RPTOR: variants seen among roughly 807,000 people sequenced by gnomAD.
RPTOR encodes regulatory-associated protein of mTOR.
Under a neutral mutation model 169.9 loss-of-function variants are expected in RPTOR, and 21 were observed. That is an observed-to-expected ratio of 0.12 (90% confidence interval 0.09 to 0.18). The LOEUF is 0.18. Ranked by LOEUF, RPTOR falls within the 10% of genes least tolerant of loss-of-function variation. The pLI, the probability that RPTOR is intolerant of heterozygous loss-of-function variation, is 1.00. For missense variants in RPTOR, 1,133 were observed against 1,855.9 expected (o/e 0.61, Z 7.16); for synonymous variants, 732 against 753.2 (o/e 0.97, Z 0.46).
chr17:80,780,777 C>T (rs983040052), intron 6 of RPTOR, among the ~76,000 whole-genome samples: 6 of 152,196 alleles, frequency 3.9e-5, no homozygotes, highest in Admixed American at 1.3e-4. Flanking sequence ...CACCCTCCCC[C>T]CGGGGGGCCT....
chr17:80,635,467 A>C (rs950132877), intron 2 of RPTOR, among the ~76,000 whole-genome samples: 7 of 152,196 alleles, frequency 4.6e-5, no homozygotes, highest in Non-Finnish European at 1.0e-4. Flanking sequence ...TACACCAGTA[A>C]CCAAGACTGG....
intron 28 of RPTOR, among the ~76,000 whole-genome samples, chr17:80,951,042 C>G (rs139525065): frequency 6.6e-6 from 1 of 152,140 alleles, no homozygotes; most frequent in Non-Finnish European, 1.5e-5. Flanking sequence ...TGGCTAGCCC[C>G]GGGGTCCATG....
chr17:80,845,776 G>A lies in RPTOR; in HGVS notation c.1213-697G>A, dbSNP rs970372237. Among the ~76,000 whole-genome samples the A allele has an allele frequency of 7.9e-5, 12 of 152,134 alleles. No individual in the cohort carries two copies. The highest frequency in any genetic ancestry group is 2.0e-4 in the Admixed American group (3 of 15,280). On this transcript the variant is annotated intron_variant, in intron 10 of 33. Coordinates refer to ENST00000306801, the MANE Select transcript of RPTOR (RefSeq NM_020761.3). This position sits in a 1 kb window ranked among gnomAD's most constrained non-coding sequence, Gnocchi z 5.4. Reference sequence around the variant, plus strand: ...ACCAAAACCAAATTCACCCTGTCTCGAAACCCCTCTGGCTGCGCTTTTGCC... The same window carrying A: ...ACCAAAACCAAATTCACCCTGTCTCAAAACCCCTCTGGCTGCGCTTTTGCC...
At chr17:80,727,635 C>A (rs1350705267) in intron 4 of RPTOR, among the ~76,000 whole-genome samples, 1 of 152,248 alleles carries the variant, frequency 6.6e-6, no homozygotes. Context: ...CAGAATTTGG[C>A]TGCAGGACAG....
chr17:80,787,028 G>A (rs2066999209), intron 6 of RPTOR, among the ~76,000 whole-genome samples: 1 of 152,136 alleles, frequency 6.6e-6, no homozygotes, highest in Admixed American at 6.5e-5. Context: ...ATGATGACCT[G>A]CGCCCACCAC....
At chr17:80,891,625 C>T in intron 17 of RPTOR, 95 bp from the exon 18 acceptor site, 1 of 858,938 alleles carries the variant, frequency 1.2e-6, no homozygotes, top group South Asian at 1.5e-5. Flanking sequence ...TTGTCTTAAC[C>T]TTTCTTTTTT....
chr17:80,665,921 C>G (rs1268310071), intron 3 of RPTOR, among the ~76,000 whole-genome samples: 1 of 152,152 alleles, frequency 6.6e-6, no homozygotes, highest in East Asian at 1.9e-4. Context: ...TGAAGGAAGT[C>G]TTGTTTGTCT....
At chr17:80,713,370 T>C (rs1395802822) in intron 4 of RPTOR, among the ~76,000 whole-genome samples, 1 of 152,234 alleles carries the variant, frequency 6.6e-6, no homozygotes, top group African/African-American at 2.4e-5. Context: ...TTATCAGATA[T>C]GTGTTTCGCA....
chr17:80,948,982 C>T (rs114202945), intron 27 of RPTOR, among the ~76,000 whole-genome samples: 266 of 152,274 alleles, frequency 1.7e-3, no homozygotes, highest in African/African-American at 6.2e-3. Context: ...AGGAATGGGG[C>T]GGAGGGTGCT....
In RPTOR at chr17:80,936,111, A is replaced by G. The variant is rs553544909; in HGVS notation, c.2920-4385A>G. On this transcript the variant is annotated intron_variant, in intron 24 of 33. Coordinates refer to ENST00000306801, the MANE Select transcript of RPTOR (RefSeq NM_020761.3). This position sits in a 1 kb window ranked among gnomAD's most constrained non-coding sequence, Gnocchi z 4.1. The stretch of plus-strand genomic sequence containing the variant: ...CAAATAAGGACATGGAATGATGCTC[A>G]TTGTTAAGGATCTTAATCACGGGAA... Among the ~76,000 whole-genome samples the G allele has an allele frequency of 6.6e-6, 1 of 152,336 alleles. No individual in the cohort carries two copies. The highest frequency in any genetic ancestry group is 2.4e-5 in the African/African-American group (1 of 41,592).
At chr17:80,938,367 G>A (rs781311495) in intron 24 of RPTOR, among the ~76,000 whole-genome samples, 35 of 152,200 alleles carry the variant, frequency 2.3e-4, no homozygotes, top group Non-Finnish European at 4.3e-4. Flanking sequence ...CTTCCCACTC[G>A]AAAGTTCCTT....
At chr17:80,922,251 C>T (rs1232454387) in intron 21 of RPTOR, among the ~76,000 whole-genome samples, 1 of 152,216 alleles carries the variant, frequency 6.6e-6, no homozygotes, top group Non-Finnish European at 1.5e-5. Context: ...GGATTCTTCC[C>T]GGGCCTCAAC....
At chr17:80,600,868 C>CT in intron 1 of RPTOR, among the ~76,000 whole-genome samples, 1 of 82,350 alleles carries the variant, frequency 1.2e-5, no homozygotes, top group Non-Finnish European at 2.8e-5. Flanking sequence ...CCGCACGTGC[C>CT]CTCTCTGCAG....
chr17:80,917,140 T>A (rs1322641879), intron 21 of RPTOR, among the ~76,000 whole-genome samples: 6 of 146,600 alleles, frequency 4.1e-5, no homozygotes, highest in Non-Finnish European at 6.0e-5. Context: ...TGAGACTGAG[T>A]CTCACTATGT....
chr17:80,769,238 G>A (rs199662637), intron 6 of RPTOR, among the ~76,000 whole-genome samples: 1 of 80,700 alleles, frequency 1.2e-5, no homozygotes, highest in South Asian at 3.9e-4. Context: ...AAAATGGTGT[G>A]AATTAATCCA....
At chr17:80,577,098 C>A (rs1411997150) in intron 1 of RPTOR, among the ~76,000 whole-genome samples, 2 of 150,458 alleles carry the variant, frequency 1.3e-5, no homozygotes, top group Non-Finnish European at 2.9e-5. Flanking sequence ...GTGGCACGAT[C>A]TCAGCTCGCT....
intron 6 of RPTOR, among the ~76,000 whole-genome samples, chr17:80,781,341 G>A (rs970281010): frequency 2.0e-5 from 3 of 152,084 alleles, no homozygotes; most frequent in East Asian, 1.9e-4. Context: ...TTCCCTCATC[G>A]TAGGGTCAGC....
chr17:80,755,102 G>A (rs1180008615), intron 6 of RPTOR, among the ~76,000 whole-genome samples: 13 of 150,962 alleles, frequency 8.6e-5, no homozygotes, highest in African/African-American at 2.7e-4. Flanking sequence ...GAGGGGGGAG[G>A]AAAACTTGGC....
At chr17:80,653,021 C>G (rs972866090) in intron 3 of RPTOR, among the ~76,000 whole-genome samples, 8 of 152,154 alleles carry the variant, frequency 5.3e-5, no homozygotes, top group African/African-American at 1.9e-4. Context: ...TTTTCATGTG[C>G]TTATTGGCCA....
Sources: allele counts gnomAD v4.1 joint callset (sites outside exome capture counted in the v4.1 genomes callset), GRCh38; gene constraint gnomAD v4.1.1; non-coding constraint Gnocchi (gnomAD v3.1); transcripts MANE v1.5; gene names NCBI Gene and HGNC (gene_info 2026-07-23, HGNC 2026-07-21).